GPNMB: variants seen among roughly 807,000 people sequenced by gnomAD.
GPNMB encodes the protein glycoprotein nmb, also known as transmembrane glycoprotein NMB.
Under a neutral mutation model 57.3 loss-of-function variants are expected in GPNMB, and 71 were observed. That is an observed-to-expected ratio of 1.24 (90% CI 1.02 to 1.51). The LOEUF (loss-of-function observed/expected upper bound fraction) is 1.51. Among genes scored for constraint, GPNMB ranks in the 40% most tolerant of loss-of-function variants. The pLI, the probability that GPNMB is intolerant of heterozygous loss-of-function variation, is 0.00. For synonymous variants in GPNMB, 253 were observed against 263.2 expected (o/e 0.96, Z 0.38); for missense variants, 677 against 691.9 (o/e 0.98, Z 0.24).
At chr7:23,262,607 TC>T (rs1380772128) in intron 6 of GPNMB, among the ~76,000 whole-genome samples, 1 of 120,734 alleles carries the variant, frequency 8.3e-6, no homozygotes, top group Non-Finnish European at 1.7e-5. Flanking sequence ...TTCACCATTC[TC>T]TTTTTTTTTT....
intron 1 of GPNMB, among the ~76,000 whole-genome samples, chr7:23,251,066 G>A (rs1782648990): frequency 6.6e-6 from 1 of 152,148 alleles, no homozygotes; most frequent in Admixed American, 6.5e-5. Flanking sequence ...TTTGGCTTTT[G>A]TCAGATGTGA....
At chr7:23,248,900 C>G (rs1375405846) in intron 1 of GPNMB, among the ~76,000 whole-genome samples, 1 of 151,990 alleles carries the variant, frequency 6.6e-6, no homozygotes, top group Non-Finnish European at 1.5e-5. Flanking sequence ...TCTTCCACCT[C>G]AGCCTCCTGA....
chr7:23,259,260 A>T (rs113528888), intron 4 of GPNMB, among the ~76,000 whole-genome samples: 1 of 152,016 alleles, frequency 6.6e-6, no homozygotes, highest in Non-Finnish European at 1.5e-5. Context: ...ATCTCAGCTC[A>T]CTGGAATCCC....
Position 23,266,541 on chromosome 7 carries a change from A to C in GPNMB, c.1043A>C (p.Glu348Ala). ...SLGPAGDNPL[E>A]LSRIPDENCQ... ...GGACCTGCTGGTGACAACCCCCTGG[A>C]GCTGAGTAGGATTCCTGATGAAAAC... Residue 348 changes from glutamate (E) to alanine (A), a missense_variant, in exon 7 of 11, where the codon GAG (glutamate) becomes GCG (alanine). Physicochemically the swap from Glu to Ala is moderately radical, Grantham distance 107. Coordinates refer to ENST00000258733, the MANE Select transcript of GPNMB (RefSeq NM_002510.3). 1 of 1,613,608 alleles carries C rather than the reference A, an allele frequency of 6.2e-7. No homozygotes were observed. The highest frequency in any genetic ancestry group is 8.5e-7 in the Non-Finnish European group (1 of 1,179,528).
In GPNMB at chr7:23,254,255, A is replaced by G. The variant is rs1238126724; in HGVS notation, c.310A>G (p.Arg104Gly). 6.2e-7 allele frequency: 1 copy of G among 1,611,128 alleles called. No individual in the cohort carries two copies. The highest frequency in any genetic ancestry group is 8.5e-7 in the Non-Finnish European group (1 of 1,177,254). Residue 104 changes from arginine to glycine, a missense_variant, in exon 3 of 11, where the codon AGA becomes GGA. Physicochemically the swap from Arg to Gly is moderately radical, Grantham distance 125. Transcript: ENST00000258733. ...ATTTGCGGTGAACCTGATATTCCCT[A>G]GATGCCAAAAGGAAGATGCCAATGG... ...ITFAVNLIFP[R>G]CQKEDANGNI... is the part of the protein sequence containing the mutation.
Position 23,274,304 on chromosome 7 carries a change from C to G in GPNMB, c.*80C>G. ...TGGAGTGGCTATTAACCTTTTTTTC[C>G]TAAAGATTATTGTTAAATAGATATT... is the stretch of plus-strand genomic sequence containing the variant. On this transcript the variant is annotated 3_prime_UTR_variant, in exon 11 of 11. Coordinates refer to ENST00000258733, the MANE Select transcript of GPNMB (RefSeq NM_002510.3). The G allele has an allele frequency of 9.5e-7, 1 of 1,051,908 alleles. No individual in the cohort carries two copies. Among genetic ancestry groups the G allele is most frequent in the Non-Finnish European group, 1.4e-6 (1 of 704,126 alleles). The allele number at this position is 1,051,908 out of a possible 1,614,324, so 65.2% of individuals were successfully genotyped here. A position where few individuals can be genotyped will look rare whatever the true frequency, so the allele number is the denominator to read the frequency against.
rs575106285 is a variant in GPNMB, at chr7:23,270,098, C to T, written c.1352C>T (p.Thr451Met). 8 of 1,613,980 alleles carry T rather than the reference C, an allele frequency of 5.0e-6. No homozygotes were observed. Among genetic ancestry groups the T allele is most frequent in the African/African-American group, 1.3e-5 (1 of 75,012 alleles). Residue 451 changes from threonine (T) to methionine (M), a missense_variant, in exon 9 of 11, where the codon ACG becomes ATG. Coordinates refer to ENST00000258733, the MANE Select transcript of GPNMB (RefSeq NM_002510.3). ...AGACGAACCTTCAATGGGTCTGGGA[C>T]GTACTGTGTGAACCTCACCCTGGGG... ...TVRRTFNGSG[T>M]YCVNLTLGDD...
intron 1 of GPNMB, chr7:23,247,202 G>A (rs1191549641): frequency 1.3e-5 from 6 of 444,962 alleles, no homozygotes; most frequent in Non-Finnish European, 2.1e-5. Flanking sequence ...ACCCATTCTT[G>A]CCAGACAGTG....
chr7:23,248,509 CA>C (rs1782588082), intron 1 of GPNMB, among the ~76,000 whole-genome samples: 2 of 152,140 alleles, frequency 1.3e-5, no homozygotes, highest in African/African-American at 4.8e-5. Flanking sequence ...AAAATAAGGG[CA>C]GGCAGAATGT....
intron 1 of GPNMB, among the ~76,000 whole-genome samples, chr7:23,250,283 G>A (rs546345544): frequency 1.3e-5 from 2 of 152,198 alleles, no homozygotes; most frequent in Non-Finnish European, 2.9e-5. Context: ...ATTTTAATGA[G>A]TTCCAATTTC....
At chr7:23,252,515 A>G (rs1464331732) in intron 1 of GPNMB, among the ~76,000 whole-genome samples, 2 of 152,370 alleles carry the variant, frequency 1.3e-5, no homozygotes, top group Non-Finnish European at 2.9e-5. Flanking sequence ...AGGGATAAAG[A>G]GCATCAATTC....
intron 8 of GPNMB, among the ~76,000 whole-genome samples, chr7:23,268,727 G>A (rs1783128096): frequency 6.6e-6 from 1 of 152,142 alleles, no homozygotes; most frequent in African/African-American, 2.4e-5. Flanking sequence ...GAAGAGAAGA[G>A]CTAAGAAGCT....
At chr7:23,265,227 C>A (rs1250767771) in intron 6 of GPNMB, among the ~76,000 whole-genome samples, 1 of 152,194 alleles carries the variant, frequency 6.6e-6, no homozygotes, top group African/African-American at 2.4e-5. Flanking sequence ...GGGATGTTCA[C>A]CCGCTGACGA....
intron 3 of GPNMB, among the ~76,000 whole-genome samples, chr7:23,254,548 C>A (rs1047490744): frequency 6.6e-6 from 1 of 152,188 alleles, no homozygotes; most frequent in Non-Finnish European, 1.5e-5. Context: ...TCTTCAAAAG[C>A]CACATCACCA....
chr7:23,260,253 C>A, intron 5 of GPNMB, 115 bp downstream of exon 5: 2 of 1,141,074 alleles, frequency 1.8e-6, no homozygotes, highest in Non-Finnish European at 2.5e-6. Flanking sequence ...TCTGGCCCAC[C>A]TAAGCTTGTG....
At chr7:23,260,288 G>A in intron 5 of GPNMB, 150 bp downstream of exon 5, 2 of 1,039,572 alleles carry the variant, frequency 1.9e-6, no homozygotes, top group East Asian at 2.4e-5. Context: ...TAGTTCATCT[G>A]TTTTCCAGAA....
At chr7:23,261,712 A>G (rs1028346539) in intron 6 of GPNMB, among the ~76,000 whole-genome samples, 2 of 152,166 alleles carry the variant, frequency 1.3e-5, no homozygotes. Flanking sequence ...GCACACCAAC[A>G]TGGCACATGT....
chr7:23,261,195 C>T (rs1483317310), intron 6 of GPNMB, among the ~76,000 whole-genome samples: 1 of 152,138 alleles, frequency 6.6e-6, no homozygotes, highest in Non-Finnish European at 1.5e-5. Flanking sequence ...CCTACCCTGC[C>T]CACACCTACC....
chr7:23,266,418 T>TA, intron 6 of GPNMB, 99 bp from the exon 7 acceptor site: 3 of 1,291,880 alleles, frequency 2.3e-6, no homozygotes, highest in Non-Finnish European at 3.3e-6. Context: ...GATATTTTTC[T>TA]AAAAAGCAAA....
Sources: gnomAD v4.1 joint callset for allele counts (sites outside exome capture counted in the v4.1 genomes callset) on GRCh38, gnomAD v4.1.1 for gene constraint, MANE v1.5 for transcripts, NCBI Gene and HGNC (gene_info 2026-07-23, HGNC 2026-07-21) for gene names.